The following OR1M1 variants were observed in gnomAD, a reference collection of about 807,000 sequenced individuals.
OR1M1 encodes the protein olfactory receptor 1M1.
For synonymous variants in OR1M1, 157 were observed against 165.5 expected (o/e 0.95, Z 0.39); for missense variants, 397 against 401.8 (o/e 0.99, Z 0.10).
Position 9,094,080 on chromosome 19 carries a change from C to T in OR1M1, c.836C>T (p.Thr279Ile). 1 of 1,613,922 alleles carries T rather than the reference C, an allele frequency of 6.2e-7. No individual in the cohort carries two copies. The highest frequency in any genetic ancestry group is 1.1e-5 in the South Asian group (1 of 91,074). The change falls in exon 2 of 2, where the codon ACA becomes ATA. Residue 279 changes from threonine (T) to isoleucine (I), a missense_variant. Physicochemically the swap from Thr to Ile is moderately conservative, Grantham distance 89. Coordinates refer to ENST00000641627, the MANE Select transcript of OR1M1 (RefSeq NM_001004456.2). ...VKEKASAVMY[T>I]AVTPMLNPFI... is the part of the protein sequence containing the mutation. ...GAGAAAGCTTCTGCGGTGATGTACA[C>T]AGCAGTCACCCCCATGCTGAATCCC...
At position 9,093,398 on chromosome 19, in the gene OR1M1, G is replaced by C; in HGVS notation, c.154G>C (p.Asp52His). The part of the protein sequence containing the change: ...NLLIILAISI[D>H]SHLHTPMYFF... ...GCTCATCATCCTGGCCATCAGCATA[G>C]ACTCCCACCTCCACACCCCCATGTA... Residue 52 changes from aspartate (D) to histidine (H), a missense_variant, in exon 2 of 2, where the codon GAC (aspartate) becomes CAC (histidine). Asp to His is a moderately conservative substitution (Grantham distance 81, BLOSUM62 -1). Transcript: ENST00000641627. 6.2e-7 allele frequency: 1 copy of C among 1,613,906 alleles called. No individual in the cohort carries two copies. The highest frequency in any genetic ancestry group is 1.1e-5 in the South Asian group (1 of 91,068).
chr19:9,094,293 A>T lies in OR1M1; in HGVS notation c.*107A>T, dbSNP rs1203898082. On this transcript the variant is annotated 3_prime_UTR_variant, in exon 2 of 2. Transcript: ENST00000641627. ...AAGAGTAGGCACTTTGAATTTTATT[A>T]TTATTATTATTATTTAGAGATGGGG... 1 of 622,930 alleles carries T rather than the reference A, an allele frequency of 1.6e-6. No homozygotes were observed. Among genetic ancestry groups the T allele is most frequent in the Non-Finnish European group, 2.7e-6 (1 of 364,384 alleles). The allele number at this position is 622,930 out of a possible 1,614,324, so 38.6% of individuals were successfully genotyped here.
intron 1 of OR1M1, among the ~76,000 whole-genome samples, chr19:9,092,262 A>C (rs78370865): frequency 6.6e-6 from 1 of 151,780 alleles, no homozygotes; most frequent in Non-Finnish European, 1.5e-5. Context: ...GAGTTGCTAT[A>C]AATACTTCAT....
intron 1 of OR1M1, among the ~76,000 whole-genome samples, chr19:9,089,649 T>C (rs1216950507): frequency 6.6e-6 from 1 of 152,116 alleles, no homozygotes; most frequent in Non-Finnish European, 1.5e-5. Context: ...GGTCTCGAAC[T>C]CCTGACCTCA....
At chr19:9,091,157 A>T (rs1448951551) in intron 1 of OR1M1, among the ~76,000 whole-genome samples, 1 of 151,718 alleles carries the variant, frequency 6.6e-6, no homozygotes, top group African/African-American at 2.4e-5. Context: ...ACAGAGCGAG[A>T]CTCTGTCTCA....
chr19:9,093,079 T>TATATACAC (rs1555707928), intron 1 of OR1M1, 153 bp from the exon 2 acceptor site: 14 of 406,668 alleles, frequency 3.4e-5, no homozygotes, highest in Non-Finnish European at 6.1e-5. Flanking sequence ...ATTCTATATA[T>TATATACAC]ACACACACAC....
rs1399898310 is a variant in OR1M1, at chr19:9,093,906, T to A, written c.662T>A (p.Ile221Asn). The A allele has an allele frequency of 5.0e-6, 8 of 1,614,152 alleles. No individual in the cohort carries two copies. The highest frequency in any genetic ancestry group is 1.3e-5 in the African/African-American group (1 of 75,046). ...FVCILASYAR[I>N]LVAIMKVPSA... ...TGCATCCTGGCCTCCTATGCTCGCATCCTTGTGGCCATCATGAAGGTCCCC... is the reference window on the plus strand; with the variant it reads ...TGCATCCTGGCCTCCTATGCTCGCAACCTTGTGGCCATCATGAAGGTCCCC... The change falls in exon 2 of 2, where the codon ATC becomes AAC. Residue 221 changes from isoleucine to asparagine, a missense_variant. Physicochemically the swap from Ile to Asn is moderately radical, Grantham distance 149. Coordinates refer to ENST00000641627, the MANE Select transcript of OR1M1 (RefSeq NM_001004456.2).
At position 9,093,400 on chromosome 19, in the gene OR1M1, C is replaced by G. The variant is rs1377855422; in HGVS notation, c.156C>G (p.Asp52Glu). 1.9e-6 allele frequency: 3 copies of G among 1,614,008 alleles called. No homozygotes were observed. The South Asian group carries it at 3.3e-5, about 18-fold the overall frequency. ...NLLIILAISIDSHLHTPMYFF... is the reference protein window; with the variant it reads ...NLLIILAISIESHLHTPMYFF... ...TCATCATCCTGGCCATCAGCATAGA[C>G]TCCCACCTCCACACCCCCATGTACT... Residue 52 changes from aspartate to glutamate, a missense_variant, in exon 2 of 2, where the codon GAC (aspartate) becomes GAG (glutamate). Asp to Glu is a conservative substitution (Grantham distance 45, BLOSUM62 2). Coordinates refer to ENST00000641627, the MANE Select transcript of OR1M1 (RefSeq NM_001004456.2).
intron 1 of OR1M1, among the ~76,000 whole-genome samples, chr19:9,087,487 T>C (rs1257655730): frequency 6.6e-6 from 1 of 151,948 alleles, no homozygotes; most frequent in Admixed American, 6.6e-5. Flanking sequence ...GTTTTGCTCT[T>C]GTTGCCCAGG....
At chr19:9,089,834 C>T (rs1250644348) in intron 1 of OR1M1, among the ~76,000 whole-genome samples, 3 of 152,122 alleles carry the variant, frequency 2.0e-5, no homozygotes, top group African/African-American at 7.2e-5. Context: ...TTAATCCAAG[C>T]TCCTCATAAT....
intron 1 of OR1M1, among the ~76,000 whole-genome samples, chr19:9,091,001 C>T (rs1489494930): frequency 1.5e-4 from 22 of 151,714 alleles, no homozygotes; most frequent in Admixed American, 1.4e-3. Flanking sequence ...CCCGTCTCTA[C>T]TAAAAAGTAC....
chr19:9,093,166 A>G, intron 1 of OR1M1, 66 bp from the exon 2 acceptor site: 1 of 903,162 alleles, frequency 1.1e-6, no homozygotes, highest in African/African-American at 1.7e-5. Flanking sequence ...CTGGGATGTG[A>G]TCGCATCTAA....
intron 1 of OR1M1, among the ~76,000 whole-genome samples, chr19:9,089,412 T>G (rs1311193655): frequency 7.1e-6 from 1 of 141,148 alleles, no homozygotes; most frequent in Non-Finnish European, 1.5e-5. Context: ...CATTGTGTAT[T>G]TCTACCACAT....
intron 1 of OR1M1, among the ~76,000 whole-genome samples, chr19:9,092,359 C>G (rs1337310536): frequency 1.3e-5 from 2 of 151,982 alleles, no homozygotes; most frequent in African/African-American, 2.4e-5. Context: ...TTTGGAAGGC[C>G]TAGATGGGAG....
chr19:9,094,183 C>A lies in OR1M1; in HGVS notation c.939C>A (p.Ser313=), dbSNP rs1296166071. The stretch of plus-strand genomic sequence containing the variant: ...TCAACAGAAAGATCACCTCATCTTC[C>A]TGACCACCAGGACTCAGGAACTTCT... The part of the protein sequence containing the change: ...KLVNRKITSS[S] Residue 313 remains serine (S), a synonymous_variant, in exon 2 of 2, where the codon TCC becomes TCA. Coordinates refer to ENST00000641627, the MANE Select transcript of OR1M1 (RefSeq NM_001004456.2). 3.1e-6 allele frequency: 5 copies of A among 1,600,480 alleles called. No individual in the cohort carries two copies. Among genetic ancestry groups the A allele is most frequent in the Non-Finnish European group, 4.3e-6 (5 of 1,175,178 alleles).
chr19:9,092,934 G>T (rs2050301184), intron 1 of OR1M1, among the ~76,000 whole-genome samples: 1 of 148,014 alleles, frequency 6.8e-6, no homozygotes, highest in Admixed American at 6.9e-5. Context: ...TACATAATAT[G>T]TAATAATATA....
chr19:9,090,889 G>A (rs1171004678), intron 1 of OR1M1, among the ~76,000 whole-genome samples: 2 of 151,754 alleles, frequency 1.3e-5, no homozygotes, highest in African/African-American at 4.8e-5. Flanking sequence ...AGTTCAGGAC[G>A]GGCGCGGTGG....
Position 9,094,096 on chromosome 19 carries a change from G to A in OR1M1, c.852G>A (p.Met284Ile). 1.9e-6 allele frequency: 3 copies of A among 1,613,888 alleles called. No homozygotes were observed. Among genetic ancestry groups the A allele is most frequent in the Non-Finnish European group, 2.5e-6 (3 of 1,180,010 alleles). ...TGATGTACACAGCAGTCACCCCCAT[G>A]CTGAATCCCTTCATCTACAGCTTGA... ...SAVMYTAVTPMLNPFIYSLRN... is the reference protein window; with the variant it reads ...SAVMYTAVTPILNPFIYSLRN... The change falls in exon 2 of 2, where the codon ATG becomes ATA. Residue 284 changes from methionine (M) to isoleucine (I), a missense_variant. Transcript: ENST00000641627.
intron 1 of OR1M1, among the ~76,000 whole-genome samples, chr19:9,091,027 C>T (rs141805333): frequency 0.012 from 1,789 of 151,838 alleles, 39 homozygotes; most frequent in African/African-American, 0.04. Flanking sequence ...ATTAGCCAGG[C>T]GTGGTGGTGG....
Sources: gnomAD v4.1 joint callset for allele counts (sites outside exome capture counted in the v4.1 genomes callset) on GRCh38, gnomAD v4.1.1 for gene constraint, MANE v1.5 for transcripts, NCBI Gene and HGNC (gene_info 2026-07-23, HGNC 2026-07-21) for gene names.